Variants in CABCOCO1 observed in about 807,000 individuals in gnomAD.
CABCOCO1 encodes ciliary-associated calcium-binding coiled-coil protein 1.
A neutral mutation model predicts 35.7 loss-of-function variants in CABCOCO1; 28 were observed. That is an observed-to-expected ratio of 0.78 (90% CI 0.58 to 1.07). The LOEUF (loss-of-function observed/expected upper bound fraction) is 1.07, where lower values mean the gene tolerates loss of function less well. Among genes scored for constraint, CABCOCO1 ranks in the 50% least tolerant of loss-of-function variants. CABCOCO1 has a pLI of 0.00. For synonymous variants in CABCOCO1, 95 were observed against 100.1 expected (o/e 0.95, Z 0.30); for missense variants, 326 against 309.2 (o/e 1.05, Z -0.41).
At chr10:61,763,804 A>AG in intron 7 of CABCOCO1, among the ~76,000 whole-genome samples, 1 of 151,696 alleles carries the variant, frequency 6.6e-6, no homozygotes, top group East Asian at 1.9e-4. Flanking sequence ...AAAAAAAAAA[A>AG]GAACCAGACC....
chr10:61,722,197 T>C (rs896196931), intron 5 of CABCOCO1, among the ~76,000 whole-genome samples: 1 of 152,228 alleles, frequency 6.6e-6, no homozygotes, highest in Non-Finnish European at 1.5e-5. Context: ...GAAAACATTA[T>C]TTTTAAGCAG....
intron 5 of CABCOCO1, among the ~76,000 whole-genome samples, chr10:61,720,413 T>G (rs781145155): frequency 2.6e-5 from 4 of 152,188 alleles, no homozygotes; most frequent in Non-Finnish European, 4.4e-5. Context: ...AACTGGCATT[T>G]AAATGTCCAG....
At chr10:61,760,716 C>A in intron 6 of CABCOCO1, 147 bp from the exon 7 acceptor site, 1 of 879,112 alleles carries the variant, frequency 1.1e-6, no homozygotes, top group Non-Finnish European at 1.7e-6. Flanking sequence ...CACACGTATA[C>A]CTATGTAACA....
chr10:61,678,194 C>T (rs79526436), intron 2 of CABCOCO1, among the ~76,000 whole-genome samples: 17,284 of 151,946 alleles, frequency 0.11, 1,247 homozygotes, highest in East Asian at 0.18. Flanking sequence ...TACCAGGCTC[C>T]CTCATATATT....
intron 4 of CABCOCO1, among the ~76,000 whole-genome samples, chr10:61,688,632 G>A (rs1310390747): frequency 3.3e-5 from 5 of 152,078 alleles, no homozygotes; most frequent in Non-Finnish European, 4.4e-5. Flanking sequence ...GGAATTAGGC[G>A]ATAGTAATCT....
At chr10:61,718,303 T>A (rs1442674090) in intron 5 of CABCOCO1, among the ~76,000 whole-genome samples, 1 of 152,104 alleles carries the variant, frequency 6.6e-6, no homozygotes, top group Non-Finnish European at 1.5e-5. Context: ...TGTTTTAATT[T>A]CCAAAGTCAG....
intron 3 of CABCOCO1, chr10:61,684,813 G>A (rs927971912): frequency 6.6e-6 from 1 of 152,300 alleles, no homozygotes; most frequent in African/African-American, 2.4e-5. Flanking sequence ...GGGGAAGGGT[G>A]GATAGTGTGT....
At position 61,718,104 on chromosome 10, in the gene CABCOCO1, A is replaced by G. The variant is rs932669683; in HGVS notation, c.552+27483A>G. Reference sequence around the variant, plus strand: ...CCCTGTCTGCGAGAGTATTTAATGTACTAACGGAACCTTTACTGAGTTTTA... The same window carrying G: ...CCCTGTCTGCGAGAGTATTTAATGTGCTAACGGAACCTTTACTGAGTTTTA... On this transcript the variant is annotated intron_variant, in intron 5 of 7. Coordinates refer to ENST00000648843, the MANE Select transcript of CABCOCO1 (RefSeq NM_001366906.2). Among the ~76,000 whole-genome samples, 5 of 152,166 alleles carry G rather than the reference A, an allele frequency of 3.3e-5. No homozygotes were observed. The East Asian group carries it at 9.6e-4, about 29-fold the overall frequency.
At chr10:61,685,022 G>A (rs1839912718) in intron 3 of CABCOCO1, 2 of 152,290 alleles carry the variant, frequency 1.3e-5, no homozygotes, top group Middle Eastern at 6.8e-3. Flanking sequence ...TGAAAGAATA[G>A]ATGAGAAATC....
intron 3 of CABCOCO1, chr10:61,685,092 G>T (rs61850470): frequency 6.6e-6 from 1 of 151,830 alleles, no homozygotes; most frequent in Admixed American, 6.6e-5. Context: ...CATTTTCATC[G>T]GGCTCTCACC....
At chr10:61,731,158 C>T (rs906406753) in intron 5 of CABCOCO1, among the ~76,000 whole-genome samples, 1 of 150,860 alleles carries the variant, frequency 6.6e-6, no homozygotes, top group African/African-American at 2.4e-5. Context: ...AAGAAATGCA[C>T]ATTGAAGTAT....
Position 61,681,150 on chromosome 10 carries a change from A to G in CABCOCO1, c.172A>G (p.Arg58Gly), listed in dbSNP as rs962612386. The G allele has an allele frequency of 7.6e-6, 11 of 1,446,086 alleles. No individual in the cohort carries two copies. The highest frequency in any genetic ancestry group is 4.4e-5 in the African/African-American group (3 of 67,892). 89.6% of individuals were successfully genotyped at this position (1,446,086 alleles called of 1,614,324 possible). ...EDIDGVQEKL[R>G]IFLNFKNLET... ...TTTTGTTTTATTTTACAGAAAACTG[A>G]GAATATTTTTGAATTTCAAAAACCT... The change falls in exon 3 of 8, where the codon AGA (arginine) becomes GGA (glycine). Residue 58 changes from arginine (R) to glycine (G), a missense_variant. Arg to Gly is a moderately radical substitution (Grantham distance 125). Transcript: ENST00000648843.
intron 5 of CABCOCO1, among the ~76,000 whole-genome samples, chr10:61,727,958 AT>A (rs1841200260): frequency 6.6e-6 from 1 of 152,194 alleles, no homozygotes; most frequent in Non-Finnish European, 1.5e-5. Flanking sequence ...TGTTTTATCA[AT>A]GCCTGTAAGC....
At chr10:61,726,717 G>T (rs1018777321) in intron 5 of CABCOCO1, among the ~76,000 whole-genome samples, 2 of 151,750 alleles carry the variant, frequency 1.3e-5, no homozygotes, top group Non-Finnish European at 1.5e-5. Context: ...CCCAGAACTG[G>T]ATGACCTCCT....
rs552257602 is a variant in CABCOCO1 at position 61,728,534 on chromosome 10, T to C, written c.553-31525T>C. 5.3e-5 allele frequency among the ~76,000 whole-genome samples: 8 copies of C among 152,312 alleles called. No homozygotes were observed. The East Asian group carries it at 1.3e-3, about 26-fold the overall frequency. Reference sequence around the variant, plus strand: ...TAATAATTTGTATTATCTCTTCACATTTATATCTTCCTTAAAAGTGAAAAA... The same window carrying C: ...TAATAATTTGTATTATCTCTTCACACTTATATCTTCCTTAAAAGTGAAAAA... On this transcript the variant is annotated intron_variant, in intron 5 of 7. Coordinates refer to ENST00000648843, the MANE Select transcript of CABCOCO1 (RefSeq NM_001366906.2).
At chr10:61,763,703 C>T (rs953642958) in intron 7 of CABCOCO1, among the ~76,000 whole-genome samples, 1 of 151,294 alleles carries the variant, frequency 6.6e-6, no homozygotes, top group African/African-American at 2.4e-5. Flanking sequence ...TTTAGGTCAA[C>T]TTGAATTTTC....
Position 61,765,961 on chromosome 10 carries a change from A to G in CABCOCO1, c.839A>G (p.Gln280Arg). The G allele has an allele frequency of 6.2e-7, 1 of 1,613,460 alleles. No individual in the cohort carries two copies. The highest frequency in any genetic ancestry group is 2.2e-5 in the East Asian group (1 of 44,862). Residue 280 changes from glutamine to arginine, a missense_variant, in exon 8 of 8, where the codon CAA (glutamine) becomes CGA (arginine). Physicochemically the swap from Gln to Arg is conservative, Grantham distance 43 (BLOSUM62 1). Transcript: ENST00000648843. ...CAGACCGAGATAAACGAAAAACTGC[A>G]AATACAGGAAGAGGCCTTTAATGCA... ...GIQTEINEKL[Q>R]IQEEAFNARI...
chr10:61,695,041 T>TA (rs1043496448), intron 5 of CABCOCO1, among the ~76,000 whole-genome samples: 8 of 151,882 alleles, frequency 5.3e-5, no homozygotes. Flanking sequence ...TGTCATATAA[T>TA]AAAAATCACA....
intron 5 of CABCOCO1, among the ~76,000 whole-genome samples, chr10:61,718,852 G>A (rs1189864836): frequency 1.3e-5 from 2 of 152,050 alleles, no homozygotes; most frequent in Non-Finnish European, 2.9e-5. Flanking sequence ...AAACTGAGGG[G>A]ACATATTTCT....
Sources: allele counts gnomAD v4.1 joint callset (sites outside exome capture counted in the v4.1 genomes callset), GRCh38; gene constraint gnomAD v4.1.1; transcripts MANE v1.5; gene names NCBI Gene and HGNC (gene_info 2026-07-23, HGNC 2026-07-21).